Variants in AP3B1 observed in about 807,000 individuals in gnomAD.
AP3B1 encodes adaptor related protein complex 3 subunit beta 1.
In AP3B1, 61 loss-of-function variants were observed where a neutral mutation model predicts 132.5. The observed-to-expected ratio is 0.46, with a 90% CI of 0.37 to 0.57. The LOEUF (loss-of-function observed/expected upper bound fraction) is 0.57. AP3B1 is among the 20% of genes least tolerant of loss of function. AP3B1 has a pLI of 0.00. For synonymous variants in AP3B1, 388 were observed against 438.3 expected, an observed-to-expected ratio of 0.89 and a Z score of 1.43; for missense variants, 1,120 against 1,289.4, an observed-to-expected ratio of 0.87 and a Z score of 2.01.
At chr5:78,181,340 T>C (rs1482879326) in intron 8 of AP3B1, among the ~76,000 whole-genome samples, 167 bp downstream of exon 8, 2 of 152,146 alleles carry the variant, frequency 1.3e-5, no homozygotes, top group Admixed American at 6.5e-5. Flanking sequence ...TCTAAATCTA[T>C]AGCTTACATT....
intron 2 of AP3B1, among the ~76,000 whole-genome samples, chr5:78,247,887 C>T (rs115006991): frequency 0.025 from 3,803 of 152,084 alleles, 164 homozygotes; most frequent in African/African-American, 0.084. Flanking sequence ...CCTGTTTATT[C>T]CCTGTATTTT....
At position 78,215,586 on chromosome 5, in the gene AP3B1, A is replaced by G. The variant is rs573317309; in HGVS notation, c.786+469T>C. ...TATAAATACAAAACTAGGAAAAAGT[A>G]GTTTAAAAGTTCAACAATATTTATC... On this transcript the variant is annotated intron_variant, in intron 7 of 26. Transcript: ENST00000255194. Among the ~76,000 whole-genome samples the G allele has an allele frequency of 5.3e-4, 81 of 152,392 alleles. 1 individual carries two copies. The highest frequency in any genetic ancestry group is 1.7e-3 in the African/African-American group (71 of 41,600).
At chr5:78,171,725 G>A (rs763703992) in intron 11 of AP3B1, among the ~76,000 whole-genome samples, 11 of 152,044 alleles carry the variant, frequency 7.2e-5, no homozygotes, top group South Asian at 2.1e-4. Flanking sequence ...TTGAATACCC[G>A]TTATTTCTTT....
Position 78,129,267 on chromosome 5 carries a change from T to C in AP3B1, c.1691A>G (p.Tyr564Cys), listed in dbSNP as rs746605223. 6.2e-7 allele frequency: 1 copy of C among 1,613,396 alleles called. No individual in the cohort carries two copies. The highest frequency in any genetic ancestry group is 1.1e-5 in the South Asian group (1 of 91,068). ...GTCTCTGATGTCGTAGTTTTGATCA[T>C]ACTTGCCGAGATTTAATATGTACTG... ...LTQYILNLGK[Y>C]DQNYDIRDRT... is the part of the protein sequence containing the mutation. The change falls in exon 16 of 27, where the codon TAT becomes TGT. Residue 564 changes from tyrosine (Y) to cysteine (C), a missense_variant. By Grantham distance (194) the Tyr-to-Cys change is radical (BLOSUM62 -2). Coordinates refer to ENST00000255194, the MANE Select transcript of AP3B1 (RefSeq NM_003664.5).
intron 22 of AP3B1, among the ~76,000 whole-genome samples, chr5:78,077,378 A>G (rs1202992839): frequency 2.0e-5 from 3 of 152,106 alleles, no homozygotes; most frequent in Admixed American, 1.3e-4. Context: ...CCCAAGGCCA[A>G]CTGGGGTCTG....
intron 1 of AP3B1, among the ~76,000 whole-genome samples, chr5:78,272,966 C>T (rs186758117): frequency 3.6e-4 from 46 of 128,836 alleles, no homozygotes; most frequent in African/African-American, 1.0e-3. Flanking sequence ...CTGTAGCTTA[C>T]AAAAAACTAA....
chr5:78,076,647 C>A (rs1170670844), intron 22 of AP3B1, among the ~76,000 whole-genome samples: 1 of 152,158 alleles, frequency 6.6e-6, no homozygotes, highest in Non-Finnish European at 1.5e-5. Context: ...TTAATATCAG[C>A]CTGACCTCTA....
chr5:78,114,356 G>A (rs1751730359), intron 18 of AP3B1, among the ~76,000 whole-genome samples: 1 of 152,130 alleles, frequency 6.6e-6, no homozygotes, highest in South Asian at 2.1e-4. Flanking sequence ...AATCTTCTTA[G>A]GAACAAATTT....
At chr5:78,035,359 T>G (rs1451170882) in intron 23 of AP3B1, among the ~76,000 whole-genome samples, 1 of 152,042 alleles carries the variant, frequency 6.6e-6, no homozygotes, top group Non-Finnish European at 1.5e-5. Flanking sequence ...TACCATACAA[T>G]CACTTTATAT....
rs987179388 is a variant in AP3B1 at position 78,216,050 on chromosome 5, C to T, written c.786+5G>A. On this transcript the variant is annotated splice_donor_5th_base_variant and intron_variant, in intron 7 of 26. Transcript: ENST00000255194. ...CTTGAAAGTGGAAGACTGTTCAACACTTACCTCTTTCCAAGGGCTGACAAA... is the reference window on the plus strand; with the variant it reads ...CTTGAAAGTGGAAGACTGTTCAACATTTACCTCTTTCCAAGGGCTGACAAA... 2.5e-6 allele frequency: 4 copies of T among 1,613,874 alleles called. No individual in the cohort carries two copies. The highest frequency in any genetic ancestry group is 3.4e-6 in the Non-Finnish European group (4 of 1,179,784).
At position 78,162,902 on chromosome 5, in the gene AP3B1, G is replaced by A; in HGVS notation, c.1280C>T (p.Thr427Ile). ...DKQFAAATIQ[T>I]IGRCATNILE... ...GATGTTGGTTGCACATCTGCCTATAGTCTGAATAGTGGCTGCTGCAAATTG... is the reference window on the plus strand; with the variant it reads ...GATGTTGGTTGCACATCTGCCTATAATCTGAATAGTGGCTGCTGCAAATTG... Residue 427 changes from threonine to isoleucine, a missense_variant, in exon 13 of 27, where the codon ACT becomes ATT. Thr to Ile is a moderately conservative substitution (Grantham distance 89). Around this residue, in one of 3 missense-constraint regions of AP3B1, gnomAD observed 906 missense variants for 997.1 expected, o/e 0.91. Coordinates refer to ENST00000255194, the MANE Select transcript of AP3B1 (RefSeq NM_003664.5). The A allele has an allele frequency of 6.2e-7, 1 of 1,613,840 alleles. No individual in the cohort carries two copies. Among genetic ancestry groups the A allele is most frequent in the Non-Finnish European group, 8.5e-7 (1 of 1,179,766 alleles).
chr5:78,275,290 G>A (rs568694238), intron 1 of AP3B1, among the ~76,000 whole-genome samples: 10 of 152,256 alleles, frequency 6.6e-5, no homozygotes, highest in African/African-American at 2.2e-4. Context: ...TTTCACTAAA[G>A]GTGAAATAAA....
At chr5:78,167,354 G>T (rs1208623878) in intron 11 of AP3B1, among the ~76,000 whole-genome samples, 1 of 152,052 alleles carries the variant, frequency 6.6e-6, no homozygotes, top group Non-Finnish European at 1.5e-5. Context: ...TGTTAGCATG[G>T]ATGTGGTGAA....
chr5:78,125,076 T>C (rs573296137), intron 17 of AP3B1, among the ~76,000 whole-genome samples: 2 of 152,246 alleles, frequency 1.3e-5, no homozygotes, highest in East Asian at 3.9e-4. Flanking sequence ...GAAGAGAACA[T>C]AGACGCTAAT....
chr5:78,051,231 C>T (rs1580284333), intron 22 of AP3B1, among the ~76,000 whole-genome samples: 1 of 152,240 alleles, frequency 6.6e-6, no homozygotes, highest in East Asian at 1.9e-4. Context: ...TAATAACAGA[C>T]AGACAGCGTG....
intron 15 of AP3B1, 148 bp downstream of exon 15, chr5:78,140,995 A>G: frequency 1.4e-6 from 1 of 729,258 alleles, no homozygotes; most frequent in Non-Finnish European, 2.5e-6. Context: ...ATCTGTTTGC[A>G]CTAGTATCAT....
chr5:78,281,838 T>C (rs939350208), intron 1 of AP3B1, among the ~76,000 whole-genome samples: 4 of 152,132 alleles, frequency 2.6e-5, no homozygotes, highest in African/African-American at 9.7e-5. Context: ...CCTAACAATA[T>C]GACTATATTT....
At chr5:78,269,646 AC>A (rs1422230782) in intron 1 of AP3B1, among the ~76,000 whole-genome samples, 2 of 152,178 alleles carry the variant, frequency 1.3e-5, no homozygotes, top group Non-Finnish European at 2.9e-5. Flanking sequence ...GAAAATTAAG[AC>A]TATGTAGTAC....
chr5:78,224,122 T>C (rs1486998754), intron 6 of AP3B1, among the ~76,000 whole-genome samples: 1 of 152,156 alleles, frequency 6.6e-6, no homozygotes, highest in African/African-American at 2.4e-5. Flanking sequence ...AATATTGACT[T>C]CATATCTGGC....
Sources: gnomAD v4.1 joint callset for allele counts (sites outside exome capture counted in the v4.1 genomes callset) on GRCh38, gnomAD v4.1.1 for gene constraint, gnomAD v4.1.1 regional missense constraint, MANE v1.5 for transcripts, NCBI Gene and HGNC (gene_info 2026-07-23, HGNC 2026-07-21) for gene names.